Variants in MYO3B observed in about 807,000 individuals in gnomAD.
MYO3B encodes the protein myosin IIIB, also known as myosin-IIIb.
In MYO3B, 156 loss-of-function variants were observed where a neutral mutation model predicts 174.6. That is an observed-to-expected ratio of 0.89 (90% CI 0.78 to 1.02). The LOEUF is 1.02. Ranked by LOEUF, MYO3B falls within the 50% of genes least tolerant of loss-of-function variation. The probability of loss-of-function intolerance (pLI) is 0.00; values close to 1 mark genes in which losing one functional copy is unlikely to be tolerated. For synonymous variants in MYO3B, 563 were observed against 569.1 expected, an observed-to-expected ratio of 0.99 and a Z score of 0.15; for missense variants, 1,632 against 1,639.4, an observed-to-expected ratio of 1.00 and a Z score of 0.08.
intron 8 of MYO3B, among the ~76,000 whole-genome samples, chr2:170,351,666 TCCTC>T (rs2105601796): frequency 6.6e-6 from 1 of 152,114 alleles, no homozygotes; most frequent in Admixed American, 6.5e-5. Flanking sequence ...AAAATCCTCT[TCCTC>T]CTCACCCTTT....
intron 23 of MYO3B, among the ~76,000 whole-genome samples, chr2:170,462,275 A>G (rs4267485): frequency 0.93 from 142,006 of 152,274 alleles, 66,279 homozygotes; most frequent in East Asian, 1. Context: ...TGATGTCTTC[A>G]CTTGGGTCAT....
chr2:170,422,977 C>CTTTTTTTTTTTTTTTT (rs34882424), intron 22 of MYO3B, among the ~76,000 whole-genome samples: 9 of 88,504 alleles, frequency 1.0e-4, no homozygotes, highest in Middle Eastern at 0.012. Flanking sequence ...TTCTTTCTTT[C>CTTTTTTTTTTTTTTTT]TTTTTTTTTT....
intron 22 of MYO3B, among the ~76,000 whole-genome samples, chr2:170,410,891 A>AG (rs1276782192): frequency 6.6e-6 from 1 of 151,924 alleles, no homozygotes; most frequent in Non-Finnish European, 1.5e-5. Flanking sequence ...AAATACAAAG[A>AG]GAAAAAAAAA....
rs890376598 is a variant in MYO3B at position 170,276,605 on chromosome 2, A to T, written c.749+40469A>T. Among the ~76,000 whole-genome samples, 3 of 152,236 alleles carry T rather than the reference A, an allele frequency of 2.0e-5. No individual in the cohort carries two copies. The South Asian group carries it at 6.2e-4, about 32-fold the overall frequency. ...ATTATTAGAAACACAAAAATAAATC[A>T]TGAAATTGATATGAGAGCCTAAAGT... On this transcript the variant is annotated intron_variant, in intron 7 of 34. Coordinates refer to ENST00000408978, the MANE Select transcript of MYO3B (RefSeq NM_138995.5).
At chr2:170,537,448 A>ATTCTTTTTTTT (rs1689788591) in intron 30 of MYO3B, among the ~76,000 whole-genome samples, 2 of 54,804 alleles carry the variant, frequency 3.6e-5, no homozygotes, top group African/African-American at 8.2e-5. Context: ...GAGCTCTTTG[A>ATTCTTTTTTTT]TTTTTTTTTT....
At chr2:170,558,754 C>G (rs1318872125) in intron 32 of MYO3B, among the ~76,000 whole-genome samples, 2 of 152,166 alleles carry the variant, frequency 1.3e-5, no homozygotes, top group African/African-American at 2.4e-5. Context: ...TGGTCCCATA[C>G]CCTTGGCAGG....
chr2:170,241,144 T>C (rs535882855), intron 7 of MYO3B, among the ~76,000 whole-genome samples: 23 of 149,428 alleles, frequency 1.5e-4, no homozygotes, highest in African/African-American at 5.7e-4. Context: ...TTTTTTTTAG[T>C]AGGAAAAGCT....
intron 8 of MYO3B, chr2:170,348,746 C>G (rs1055132464): frequency 1.1e-4 from 17 of 152,316 alleles, no homozygotes; most frequent in African/African-American, 4.1e-4. Flanking sequence ...GTCTTCTGCC[C>G]TCCTGATGCA....
intron 17 of MYO3B, among the ~76,000 whole-genome samples, chr2:170,400,646 AC>A (rs10590784): frequency 0.19 from 24,930 of 133,706 alleles, 2,357 homozygotes; most frequent in Middle Eastern, 0.33. Flanking sequence ...CTCATGATCC[AC>A]CCCCCCCCCC....
At chr2:170,432,084 T>C (rs2094713783) in intron 22 of MYO3B, among the ~76,000 whole-genome samples, 1 of 152,246 alleles carries the variant, frequency 6.6e-6, no homozygotes, top group African/African-American at 2.4e-5. Context: ...TAAACAACTA[T>C]ATTACTGGTT....
chr2:170,434,465 C>A (rs533694873), intron 22 of MYO3B, among the ~76,000 whole-genome samples: 11 of 152,262 alleles, frequency 7.2e-5, no homozygotes, highest in African/African-American at 2.6e-4. Context: ...ATTCCTGACG[C>A]ACGTGGCCCC....
chr2:170,513,051 A>C (rs1263935373), intron 28 of MYO3B, among the ~76,000 whole-genome samples: 1 of 152,192 alleles, frequency 6.6e-6, no homozygotes, highest in African/African-American at 2.4e-5. Flanking sequence ...TTGTTAAATA[A>C]AAATAATGGA....
chr2:170,324,378 T>A (rs936842680), intron 7 of MYO3B, among the ~76,000 whole-genome samples: 23 of 152,222 alleles, frequency 1.5e-4, no homozygotes, highest in African/African-American at 5.5e-4. Context: ...TGAAAAACTA[T>A]GAGTCTTAAT....
intron 32 of MYO3B, among the ~76,000 whole-genome samples, chr2:170,628,628 G>A (rs539011264): frequency 6.1e-4 from 93 of 152,320 alleles, no homozygotes; most frequent in Non-Finnish European, 1.0e-3. Flanking sequence ...CATCGTTCAC[G>A]CTGGGAGCTG....
chr2:170,221,560 C>G (rs951415908), intron 6 of MYO3B, among the ~76,000 whole-genome samples: 1 of 152,160 alleles, frequency 6.6e-6, no homozygotes, highest in East Asian at 1.9e-4. Flanking sequence ...TTTTCTCTTA[C>G]TACCTCATTT....
At chr2:170,327,370 G>C (rs1285330373) in intron 7 of MYO3B, among the ~76,000 whole-genome samples, 1 of 152,346 alleles carries the variant, frequency 6.6e-6, no homozygotes, top group Admixed American at 6.5e-5. Context: ...GGGTGACAGA[G>C]CAAGACTCCT....
At chr2:170,304,839 G>A (rs148659290) in intron 7 of MYO3B, among the ~76,000 whole-genome samples, 1 of 150,666 alleles carries the variant, frequency 6.6e-6, no homozygotes, top group East Asian at 1.9e-4. Flanking sequence ...CCCTTTGACT[G>A]TTATGTCACA....
chr2:170,214,097 C>G (rs1228065484), intron 3 of MYO3B, among the ~76,000 whole-genome samples: 1 of 151,954 alleles, frequency 6.6e-6, no homozygotes, highest in Admixed American at 6.5e-5. Context: ...TCTAATTGTG[C>G]TTTATATTTT....
chr2:170,552,791 C>T (rs1294790553), intron 32 of MYO3B, among the ~76,000 whole-genome samples: 3 of 152,164 alleles, frequency 2.0e-5, no homozygotes, highest in Admixed American at 6.5e-5. Flanking sequence ...GGCAGCCCCT[C>T]CCATCAAAGG....
Sources: allele counts gnomAD v4.1 joint callset (sites outside exome capture counted in the v4.1 genomes callset), GRCh38; gene constraint gnomAD v4.1.1; transcripts MANE v1.5; gene names NCBI Gene and HGNC (gene_info 2026-07-23, HGNC 2026-07-21).